IFNGR1: variants seen among roughly 807,000 people sequenced by gnomAD.
IFNGR1 encodes the protein AVP, type 2.
IFNGR1 carries 23 observed loss-of-function variants against 35.4 expected under a neutral mutation model. That is an observed-to-expected ratio of 0.65 (90% CI 0.47 to 0.92). IFNGR1 has a LOEUF of 0.92. IFNGR1 is among the 40% of genes least tolerant of loss of function. The probability of loss-of-function intolerance (pLI) is 0.00; values close to 1 mark genes in which losing one functional copy is unlikely to be tolerated. For missense variants in IFNGR1, 533 were observed against 583.4 expected, an observed-to-expected ratio of 0.91 and a Z score of 0.89; for synonymous variants, 199 against 209.5, an observed-to-expected ratio of 0.95 and a Z score of 0.43.
chr6:137,210,457 A>G (rs1779548045), intron 1 of IFNGR1, among the ~76,000 whole-genome samples: 1 of 152,158 alleles, frequency 6.6e-6, no homozygotes, highest in Admixed American at 6.5e-5. Flanking sequence ...GTGACCCCAA[A>G]TTTATGGTTA....
chr6:137,215,253 AAG>A, intron 1 of IFNGR1: 1 of 1,544,860 alleles, frequency 6.5e-7, no homozygotes, highest in South Asian at 1.2e-5. Flanking sequence ...TTAATAAAAT[AAG>A]GGGTAAATTA....
chr6:137,202,946 C>G (rs1398802603), intron 5 of IFNGR1, among the ~76,000 whole-genome samples: 2 of 152,094 alleles, frequency 1.3e-5, no homozygotes, highest in Non-Finnish European at 2.9e-5. Context: ...GCATATATAT[C>G]TCTACCTCCC....
intron 6 of IFNGR1, among the ~76,000 whole-genome samples, chr6:137,200,046 C>A (rs1027580248): frequency 7.9e-5 from 12 of 152,152 alleles, no homozygotes; most frequent in Non-Finnish European, 1.5e-4. Flanking sequence ...ACTGCTGGTA[C>A]TACTGGATAT....
chr6:137,201,146 A>G, intron 5 of IFNGR1, 138 bp from the exon 6 acceptor site: 1 of 890,402 alleles, frequency 1.1e-6, no homozygotes, highest in Non-Finnish European at 1.8e-6. Flanking sequence ...TGAAGGAAGC[A>G]GAAGTTAGGA....
At chr6:137,199,494 A>ATC (rs1779199458) in intron 6 of IFNGR1, among the ~76,000 whole-genome samples, 1 of 34,280 alleles carries the variant, frequency 2.9e-5, no homozygotes, top group Non-Finnish European at 8.9e-5. Flanking sequence ...ATAATATATT[A>ATC]TATAAAATAT....
At chr6:137,213,594 G>C (rs1437273016) in intron 1 of IFNGR1, among the ~76,000 whole-genome samples, 3 of 152,222 alleles carry the variant, frequency 2.0e-5, no homozygotes, top group Non-Finnish European at 2.9e-5. Flanking sequence ...TATGAAAAAA[G>C]AGAGACAACA....
At chr6:137,211,327 C>T (rs552638932) in intron 1 of IFNGR1, among the ~76,000 whole-genome samples, 1 of 152,250 alleles carries the variant, frequency 6.6e-6, no homozygotes, top group East Asian at 1.9e-4. Context: ...GAATGCTTTA[C>T]AGTAAACCTG....
intron 1 of IFNGR1, among the ~76,000 whole-genome samples, chr6:137,213,829 C>T (rs1225405824): frequency 1.3e-5 from 2 of 152,224 alleles, no homozygotes; most frequent in African/African-American, 4.8e-5. Flanking sequence ...TACCTGAGTC[C>T]ATCCTGTAAC....
intron 1 of IFNGR1, chr6:137,215,240 C>T (rs1779663111): frequency 2.0e-6 from 3 of 1,538,006 alleles, no homozygotes; most frequent in Admixed American, 2.1e-5. Flanking sequence ...TCTTTGTGAT[C>T]GTTTAATAAA....
At chr6:137,201,809 A>T (rs1303305886) in intron 5 of IFNGR1, among the ~76,000 whole-genome samples, 1 of 152,240 alleles carries the variant, frequency 6.6e-6, no homozygotes, top group Non-Finnish European at 1.5e-5. Context: ...AGCTTCACAG[A>T]TGTACATGCA....
intron 1 of IFNGR1, among the ~76,000 whole-genome samples, chr6:137,216,833 G>A (rs1240271593): frequency 6.6e-6 from 1 of 152,168 alleles, no homozygotes. Flanking sequence ...GTCTCTTCTA[G>A]GGGAGTCAGG....
At chr6:137,199,514 A>AATATGTTATATATAATATATAATATATT (rs1779205890) in intron 6 of IFNGR1, among the ~76,000 whole-genome samples, 1 of 56,106 alleles carries the variant, frequency 1.8e-5, no homozygotes, top group Non-Finnish European at 3.0e-5. Flanking sequence ...TATAATTTAT[A>AATATGTTATATATAATATATAATATATT]ATATATTATA....
intron 6 of IFNGR1, among the ~76,000 whole-genome samples, chr6:137,199,463 ATT>A (rs1379813269): frequency 5.2e-5 from 5 of 95,742 alleles, no homozygotes; most frequent in African/African-American, 2.1e-4. Flanking sequence ...TATAACTTAT[ATT>A]ATATAAAATA....
intron 1 of IFNGR1, among the ~76,000 whole-genome samples, chr6:137,209,178 G>C (rs1185918089): frequency 2.0e-5 from 3 of 152,166 alleles, no homozygotes; most frequent in Non-Finnish European, 4.4e-5. Flanking sequence ...CTGTATCTAG[G>C]AAGTAACTAG....
At chr6:137,219,139 G>A in intron 1 of IFNGR1, 104 bp downstream of exon 1, 1 of 1,463,074 alleles carries the variant, frequency 6.8e-7, no homozygotes, top group Non-Finnish European at 9.3e-7. Flanking sequence ...GGGGTCCCGG[G>A]CTAGGGCGAC....
At position 137,198,014 on chromosome 6, in the gene IFNGR1, G is replaced by C; in HGVS notation, c.*17C>G. 1.2e-6 allele frequency: 2 copies of C among 1,613,782 alleles called. No homozygotes were observed. The highest frequency in any genetic ancestry group is 1.7e-6 in the Non-Finnish European group (2 of 1,179,902). Reference sequence around the variant, plus strand: ...CCAGGAAAATCAGACTTCAAAGTTGGTGCAACTTAGCTGATCTCATGAAAA... The same window carrying C: ...CCAGGAAAATCAGACTTCAAAGTTGCTGCAACTTAGCTGATCTCATGAAAA... On this transcript the variant is annotated 3_prime_UTR_variant, in exon 7 of 7. Transcript: ENST00000367739.
chr6:137,218,615 G>C, intron 1 of IFNGR1: 1 of 610,390 alleles, frequency 1.6e-6, no homozygotes, highest in Non-Finnish European at 2.4e-6. Context: ...CGCTAAGAAA[G>C]AAGTATTTAA....
chr6:137,203,057 T>C (rs1779323948), intron 5 of IFNGR1, among the ~76,000 whole-genome samples: 1 of 152,138 alleles, frequency 6.6e-6, no homozygotes, highest in Non-Finnish European at 1.5e-5. Flanking sequence ...CTTTTTTGGA[T>C]ATTAATCTCG....
At chr6:137,199,797 C>G (rs974790461) in intron 6 of IFNGR1, among the ~76,000 whole-genome samples, 2 of 150,722 alleles carry the variant, frequency 1.3e-5, no homozygotes, top group Admixed American at 6.7e-5. Context: ...TTTCTTTATA[C>G]TGATAAATAA....
Sources: gnomAD v4.1 joint callset for allele counts (sites outside exome capture counted in the v4.1 genomes callset) on GRCh38, gnomAD v4.1.1 for gene constraint, MANE v1.5 for transcripts, NCBI Gene and HGNC (gene_info 2026-07-23, HGNC 2026-07-21) for gene names.